The following TSPAN9 variants were observed in gnomAD, a reference collection of about 807,000 sequenced individuals.
The protein encoded by TSPAN9 is tetraspanin 9.
TSPAN9 carries 16 observed loss-of-function variants against 31.0 expected under a neutral mutation model. The ratio of observed to expected loss-of-function variants is 0.52; its 90% CI spans 0.35 to 0.78. The LOEUF is 0.78. Ranked by LOEUF, TSPAN9 falls within the 30% of genes least tolerant of loss-of-function variation. The pLI is 0.01. For missense variants in TSPAN9, 272 were observed against 312.5 expected (o/e 0.87, Z 0.98); for synonymous variants, 145 against 121.6 (o/e 1.19, Z -1.27).
intron 2 of TSPAN9, among the ~76,000 whole-genome samples, chr12:3,096,849 C>T (rs982234551): frequency 2.6e-5 from 4 of 151,996 alleles, no homozygotes; most frequent in Admixed American, 6.6e-5. Context: ...CCCGCCACCA[C>T]GCCCGGCTAA....
Position 3,172,475 on chromosome 12 carries a change from G to C in TSPAN9, c.-17-28702G>C, listed in dbSNP as rs1408675308. The C allele has an allele frequency of 1.3e-5, 2 of 152,270 alleles. No individual in the cohort carries two copies. Among genetic ancestry groups the C allele is most frequent in the Non-Finnish European group, 2.9e-5 (2 of 68,080 alleles). 9.4% of individuals were successfully genotyped at this position (152,270 alleles called of 1,614,324 possible). Reference sequence around the variant, plus strand: ...GTGGTTCTTAGTCTGGCGCGAGCGGGTGCTCGTGTCACTCACCGGGGGAAC... The same window carrying C: ...GTGGTTCTTAGTCTGGCGCGAGCGGCTGCTCGTGTCACTCACCGGGGGAAC... On this transcript the variant is annotated intron_variant, in intron 2 of 8. Transcript: ENST00000011898. This position sits in a 1 kb window ranked among gnomAD's most constrained non-coding sequence, Gnocchi z 4.8.
At chr12:3,279,128 C>A in intron 5 of TSPAN9, 62 bp downstream of exon 5, 2 of 1,491,418 alleles carry the variant, frequency 1.3e-6, no homozygotes, top group East Asian at 2.3e-5. Context: ...TTGGGCCAAG[C>A]AGGCCAGGGT....
chr12:3,219,348 T>A (rs372469550), intron 3 of TSPAN9, among the ~76,000 whole-genome samples: 1 of 152,238 alleles, frequency 6.6e-6, no homozygotes. Context: ...GGGTGGCCAC[T>A]GCCTTAGTTT....
intron 2 of TSPAN9, among the ~76,000 whole-genome samples, chr12:3,142,840 G>T (rs1489444576): frequency 1.3e-5 from 2 of 152,188 alleles, no homozygotes; most frequent in Non-Finnish European, 2.9e-5. Flanking sequence ...ATTAACAATA[G>T]ATTTTATTTA....
At chr12:3,270,236 C>T (rs1862648259) in intron 3 of TSPAN9, among the ~76,000 whole-genome samples, 1 of 152,156 alleles carries the variant, frequency 6.6e-6, no homozygotes, top group Non-Finnish European at 1.5e-5. Context: ...GGACTTAAGG[C>T]CCGCTGTCAG....
At chr12:3,281,108 G>A in intron 6 of TSPAN9, 90 bp from the exon 7 acceptor site, 3 of 1,529,532 alleles carry the variant, frequency 2.0e-6, no homozygotes, top group South Asian at 2.5e-5. Flanking sequence ...CTTTTGCGGG[G>A]ACTGGGGTTG....
intron 2 of TSPAN9, among the ~76,000 whole-genome samples, chr12:3,096,092 C>T (rs1455077911): frequency 6.6e-6 from 1 of 152,126 alleles, no homozygotes; most frequent in Admixed American, 6.5e-5. Context: ...CTCCGCTGCC[C>T]GCTGAACTCC....
In TSPAN9 at chr12:3,278,491, C is replaced by T; in HGVS notation, c.134C>T (p.Ser45Phe). The change falls in exon 4 of 9, where the codon TCC (serine) becomes TTC (phenylalanine). Residue 45 changes from serine to phenylalanine, a missense_variant. Coordinates refer to ENST00000011898, the MANE Select transcript of TSPAN9 (RefSeq NM_006675.5). Reference sequence around the variant, plus strand: ...TCCCAAGGCAACTTTGCCACCTTCTCCCCCAGCTTCCCTTCGTTGTCTGCA... The same window carrying T: ...TCCCAAGGCAACTTTGCCACCTTCTTCCCCAGCTTCCCTTCGTTGTCTGCA... ...SVSQGNFATF[S>F]PSFPSLSAAN... The T allele has an allele frequency of 6.2e-7, 1 of 1,614,210 alleles. No individual in the cohort carries two copies. The highest frequency in any genetic ancestry group is 8.5e-7 in the Non-Finnish European group (1 of 1,180,028).
chr12:3,140,396 T>C (rs2098334235), intron 2 of TSPAN9, among the ~76,000 whole-genome samples: 1 of 152,092 alleles, frequency 6.6e-6, no homozygotes, highest in Non-Finnish European at 1.5e-5. Context: ...AGGAGAGTCA[T>C]GTGTGGTGCG....
At chr12:3,226,784 A>ATT (rs2098387976) in intron 3 of TSPAN9, among the ~76,000 whole-genome samples, 2 of 4,106 alleles carry the variant, frequency 4.9e-4, no homozygotes, top group African/African-American at 2.3e-3. Flanking sequence ...ATATATATAT[A>ATT]TATATATATA....
At chr12:3,205,555 G>T (rs2098374600) in intron 3 of TSPAN9, among the ~76,000 whole-genome samples, 1 of 152,198 alleles carries the variant, frequency 6.6e-6, no homozygotes, top group South Asian at 2.1e-4. Context: ...GTGTTGGGTG[G>T]CCTAGAGTGT....
At chr12:3,128,815 C>G (rs550035996) in intron 2 of TSPAN9, among the ~76,000 whole-genome samples, 1 of 152,346 alleles carries the variant, frequency 6.6e-6, no homozygotes, top group South Asian at 2.1e-4. Context: ...CCATTTTTAA[C>G]TGACATTAAG....
At chr12:3,106,074 ACTCG>A (rs1488329692) in intron 2 of TSPAN9, among the ~76,000 whole-genome samples, 2 of 151,768 alleles carry the variant, frequency 1.3e-5, no homozygotes, top group Non-Finnish European at 2.9e-5. Flanking sequence ...TAGCATGCAC[ACTCG>A]CTCTTGTGCG....
Position 3,187,479 on chromosome 12 carries a change from G to T in TSPAN9, c.-17-13698G>T, listed in dbSNP as rs933331486. On this transcript the variant is annotated intron_variant, in intron 2 of 8. Coordinates refer to ENST00000011898, the MANE Select transcript of TSPAN9 (RefSeq NM_006675.5). This position sits in a 1 kb window ranked among gnomAD's most constrained non-coding sequence, Gnocchi z 5.2. ...CTGGACCCAGGTAAGGCCGCTTGGT[G>T]TAAGGAAAGATCACTGTTTTCACTG... Among the ~76,000 whole-genome samples the T allele has an allele frequency of 6.6e-6, 1 of 152,192 alleles. No homozygotes were observed. Among genetic ancestry groups the T allele is most frequent in the African/African-American group, 2.4e-5 (1 of 41,442 alleles).
intron 2 of TSPAN9, among the ~76,000 whole-genome samples, chr12:3,165,573 C>T (rs901125318): frequency 6.6e-6 from 1 of 152,262 alleles, no homozygotes; most frequent in Middle Eastern, 3.4e-3. Context: ...GCGAGGGTCA[C>T]GGAGTGTTTC....
intron 2 of TSPAN9, among the ~76,000 whole-genome samples, chr12:3,130,732 C>T (rs1359042504): frequency 1.3e-5 from 2 of 152,202 alleles, no homozygotes; most frequent in African/African-American, 2.4e-5. Flanking sequence ...ACACAAAACG[C>T]TTAGCAGAGT....
At chr12:3,255,256 G>A (rs1263948442) in intron 3 of TSPAN9, among the ~76,000 whole-genome samples, 1 of 152,222 alleles carries the variant, frequency 6.6e-6, no homozygotes, top group Non-Finnish European at 1.5e-5. Flanking sequence ...GCGAGCCCGG[G>A]TGAGCTGTGC....
chr12:3,163,545 A>C (rs541371992), intron 2 of TSPAN9, among the ~76,000 whole-genome samples: 1 of 152,152 alleles, frequency 6.6e-6, no homozygotes, highest in African/African-American at 2.4e-5. Flanking sequence ...CTGCTTAACT[A>C]TAGCACCTGG....
chr12:3,273,102 T>G (rs918230981), intron 3 of TSPAN9: 5 of 152,192 alleles, frequency 3.3e-5, no homozygotes, highest in Admixed American at 3.3e-4. Flanking sequence ...CCTGCACCCT[T>G]TCCCTCCTCC....
Sources: gnomAD v4.1 joint callset for allele counts (sites outside exome capture counted in the v4.1 genomes callset) on GRCh38, gnomAD v4.1.1 for gene constraint, Gnocchi (gnomAD v3.1) non-coding constraint, MANE v1.5 for transcripts, NCBI Gene and HGNC (gene_info 2026-07-23, HGNC 2026-07-21) for gene names.